ABHD16A: variants seen among roughly 807,000 people sequenced by gnomAD.
ABHD16A encodes the protein phosphatidylserine lipase ABHD16A.
ABHD16A carries 47 observed loss-of-function variants against 89.8 expected under a neutral mutation model. The observed-to-expected ratio is 0.52, with a 90% CI of 0.41 to 0.67. The LOEUF (loss-of-function observed/expected upper bound fraction) is 0.67, where lower values mean the gene tolerates loss of function less well. Among genes scored for constraint, ABHD16A ranks in the 30% least tolerant of loss-of-function variants. ABHD16A has a pLI of 0.00. For synonymous variants in ABHD16A, 251 were observed against 280.4 expected, an observed-to-expected ratio of 0.90 and a Z score of 1.05; for missense variants, 580 against 734.6, an observed-to-expected ratio of 0.79 and a Z score of 2.43.
Position 31,687,678 on chromosome 6 carries a change from G to T in ABHD16A, c.1510C>A (p.Gln504Lys). Residue 504 changes from glutamine to lysine, a missense_variant, in exon 18 of 20, where the codon CAG becomes AAG. Physicochemically the swap from Gln to Lys is moderately conservative, Grantham distance 53 (BLOSUM62 1). Transcript: ENST00000395952. The surrounding 1 kb of genome is among the most constrained non-coding windows in gnomAD (Gnocchi z 6.3). ...GGGAAGTCGGGCCCGTGTTCTGCCTGGTAGGAGCGGAGGACAGACAGACAC... is the reference window on the plus strand; with the variant it reads ...GGGAAGTCGGGCCCGTGTTCTGCCTTGTAGGAGCGGAGGACAGACAGACAC... Reference protein sequence around the residue: ...DWCLSVLRSYQAEHGPDFPWS... With the variant: ...DWCLSVLRSYKAEHGPDFPWS... 6.2e-7 allele frequency: 1 copy of T among 1,612,876 alleles called. No individual in the cohort carries two copies. The highest frequency in any genetic ancestry group is 1.3e-5 in the African/African-American group (1 of 75,008).
In ABHD16A at chr6:31,703,231, G is replaced by A. The variant is rs977603818; in HGVS notation, c.51C>T (p.Tyr17=). The A allele has an allele frequency of 2.1e-6, 3 of 1,437,328 alleles. No individual in the cohort carries two copies. Among genetic ancestry groups the A allele is most frequent in the Non-Finnish European group, 2.8e-6 (3 of 1,084,936 alleles). The allele number at this position is 1,437,328 out of a possible 1,614,324, so 89.0% of individuals were successfully genotyped here. ...GGGCCCTTTCAGAGTCCCTCTCCCGGTAGATTTTGTAGAGCCGGGGGCCTA... is the reference window on the plus strand; with the variant it reads ...GGGCCCTTTCAGAGTCCCTCTCCCGATAGATTTTGTAGAGCCGGGGGCCTA... ...CVLGPRLYKI[Y]RERDSERAPA... The change falls in exon 1 of 20, where the codon TAC becomes TAT. Residue 17 remains tyrosine (Y), a synonymous_variant. Coordinates refer to ENST00000395952, the MANE Select transcript of ABHD16A (RefSeq NM_021160.3).
At chr6:31,691,414 C>T in intron 9 of ABHD16A, 165 bp downstream of exon 9, 2 of 612,934 alleles carry the variant, frequency 3.3e-6, no homozygotes, top group Non-Finnish European at 5.7e-6. Context: ...ATCTGTTTCT[C>T]TATCACAGGG....
At position 31,693,444 on chromosome 6, in the gene ABHD16A, A is replaced by T; in HGVS notation, c.430-12T>A. The T allele has an allele frequency of 2.5e-6, 4 of 1,612,782 alleles. No individual in the cohort carries two copies. The highest frequency in any genetic ancestry group is 3.4e-6 in the Non-Finnish European group (4 of 1,179,922). Reference sequence around the variant, plus strand: ...TTGGCAAGCTGCCTCTGCAGTGGGCACGAGAGGCAAAGGGGTACTGAGAAC... The same window carrying T: ...TTGGCAAGCTGCCTCTGCAGTGGGCTCGAGAGGCAAAGGGGTACTGAGAAC... On this transcript the variant is annotated splice_polypyrimidine_tract_variant and intron_variant, in intron 5 of 19. Coordinates refer to ENST00000395952, the MANE Select transcript of ABHD16A (RefSeq NM_021160.3). This position sits in a 1 kb window ranked among gnomAD's most constrained non-coding sequence, Gnocchi z 5.0.
chr6:31,701,470 AC>A, intron 2 of ABHD16A, 130 bp from the exon 3 acceptor site: 2 of 738,310 alleles, frequency 2.7e-6, no homozygotes, highest in Non-Finnish European at 4.6e-6. Flanking sequence ...GGTGTATGAC[AC>A]CATGAATACA....
intron 7 of ABHD16A, 105 bp downstream of exon 7, chr6:31,692,922 A>T: frequency 6.8e-7 from 1 of 1,468,728 alleles, no homozygotes; most frequent in Non-Finnish European, 9.5e-7. Flanking sequence ...ATACAGCACT[A>T]GGCCCAATGA....
rs910892425 is a variant in ABHD16A at position 31,688,082 on chromosome 6, G to A, written c.1329C>T (p.Ser443=). Residue 443 remains serine, a synonymous_variant, in exon 16 of 20, where the codon TCC becomes TCT. Coordinates refer to ENST00000395952, the MANE Select transcript of ABHD16A (RefSeq NM_021160.3). The surrounding 1 kb of genome is among the most constrained non-coding windows in gnomAD (Gnocchi z 4.9). ...TCAGCAGGAGGTCATTGCCTCGGTTGGACATGATGTCCTCAGGAACCCTGG... is the reference window on the plus strand; with the variant it reads ...TCAGCAGGAGGTCATTGCCTCGGTTAGACATGATGTCCTCAGGAACCCTGG... ...ITTTVPEDIM[S]NRGNDLLLKL... is the part of the protein sequence containing the mutation. 1 of 1,613,070 alleles carries A rather than the reference G, an allele frequency of 6.2e-7. No individual in the cohort carries two copies. The highest frequency in any genetic ancestry group is 8.5e-7 in the Non-Finnish European group (1 of 1,179,432).
chr6:31,697,062 T>G (rs1379208034), intron 4 of ABHD16A, 29 bp from the exon 5 acceptor site: 2 of 1,590,960 alleles, frequency 1.3e-6, no homozygotes, highest in Admixed American at 1.7e-5. Context: ...GAAACAGTGC[T>G]AGGAAAACTG....
chr6:31,702,187 C>G, intron 1 of ABHD16A, 57 bp from the exon 2 acceptor site: 1 of 1,551,480 alleles, frequency 6.4e-7, no homozygotes, highest in Non-Finnish European at 8.9e-7. Context: ...CCTTTCCCTT[C>G]CCTTTCAGAA....
Position 31,687,798 on chromosome 6 carries a change from C to T in ABHD16A, c.1447+26G>A. ...AACCTGACCTTGCTGGGCCCCCGCC[C>T]CAAGCCTCACTGGATCCCTTCTCAC... On this transcript the variant is annotated intron_variant, in intron 17 of 19. Coordinates refer to ENST00000395952, the MANE Select transcript of ABHD16A (RefSeq NM_021160.3). This position sits in a 1 kb window ranked among gnomAD's most constrained non-coding sequence, Gnocchi z 6.3. 2 of 1,612,956 alleles carry T rather than the reference C, an allele frequency of 1.2e-6. No individual in the cohort carries two copies. Among genetic ancestry groups the T allele is most frequent in the Non-Finnish European group, 1.7e-6 (2 of 1,180,002 alleles).
intron 11 of ABHD16A, 28 bp from the exon 12 acceptor site, chr6:31,689,732 T>C: frequency 6.3e-7 from 1 of 1,595,276 alleles, no homozygotes; most frequent in Non-Finnish European, 8.5e-7. Context: ...AAGTCAGGAG[T>C]GTGTCAGCAC....
chr6:31,702,627 C>T (rs1805127892), intron 1 of ABHD16A: 1 of 1,507,682 alleles, frequency 6.6e-7, no homozygotes, highest in Non-Finnish European at 8.8e-7. Context: ...CCCGCCAGCT[C>T]TCCAGAATAC....
chr6:31,690,033 C>A lies in ABHD16A; in HGVS notation c.957+45G>T. On this transcript the variant is annotated intron_variant, in intron 11 of 19. Transcript: ENST00000395952. The surrounding 1 kb of genome is among the most constrained non-coding windows in gnomAD (Gnocchi z 4.1). ...CCTCCAATGGCTGACCAGAGGGAAA[C>A]AGACATAATTCAGGAAAAGGAAGGG... The A allele has an allele frequency of 6.5e-7, 1 of 1,539,778 alleles. No individual in the cohort carries two copies. The highest frequency in any genetic ancestry group is 8.8e-7 in the Non-Finnish European group (1 of 1,142,076).
intron 1 of ABHD16A, chr6:31,702,498 G>A: frequency 1.9e-6 from 2 of 1,037,428 alleles, no homozygotes; most frequent in Non-Finnish European, 2.7e-6. Context: ...AAAAGCATCA[G>A]AAATAAGAGT....
rs185764122 is a variant in ABHD16A at position 31,694,503 on chromosome 6, G to A, written c.430-1071C>T. Among the ~76,000 whole-genome samples the A allele has an allele frequency of 6.8e-4, 98 of 143,468 alleles. 1 individual carries two copies. Among genetic ancestry groups the A allele is most frequent in the Admixed American group, 4.9e-3 (66 of 13,524 alleles). The allele number at this position is 143,468 out of a possible 152,430, so 94.1% of individuals were successfully genotyped here. ...CCTCCCGGCTTCACGCCATTCTCCCGCCTCAGCCTCCAAGTAGCTGGGACT... is the reference window on the plus strand; with the variant it reads ...CCTCCCGGCTTCACGCCATTCTCCCACCTCAGCCTCCAAGTAGCTGGGACT... On this transcript the variant is annotated intron_variant, in intron 5 of 19. Transcript: ENST00000395952.
chr6:31,690,428 C>T lies in ABHD16A; in HGVS notation c.907+111G>A. ...TGGACTTTTCCCTAAAGCTGAGAGACTCAAAACCTCACCCAGAGAAAGCAG... is the reference window on the plus strand; with the variant it reads ...TGGACTTTTCCCTAAAGCTGAGAGATTCAAAACCTCACCCAGAGAAAGCAG... On this transcript the variant is annotated intron_variant, in intron 10 of 19. Coordinates refer to ENST00000395952, the MANE Select transcript of ABHD16A (RefSeq NM_021160.3). The surrounding 1 kb of genome is among the most constrained non-coding windows in gnomAD (Gnocchi z 4.1). The T allele has an allele frequency of 1.6e-6, 2 of 1,233,180 alleles. No homozygotes were observed. The highest frequency in any genetic ancestry group is 2.4e-6 in the Non-Finnish European group (2 of 842,626). The allele number at this position is 1,233,180 out of a possible 1,614,324, so 76.4% of individuals were successfully genotyped here.
rs550311902 is a variant in ABHD16A at position 31,694,745 on chromosome 6, A to C, written c.430-1313T>G. ...GTCCCCCACCCCCTGAGCTCCTAGC[A>C]CTCTATTTTGAGGGTTTTTATTTTC... On this transcript the variant is annotated intron_variant, in intron 5 of 19. Transcript: ENST00000395952. Among the ~76,000 whole-genome samples the C allele has an allele frequency of 5.3e-5, 8 of 151,938 alleles. No homozygotes were observed. In the South Asian group the frequency reaches 1.7e-3, roughly 32 times the overall value.
chr6:31,687,828 C>T lies in ABHD16A; in HGVS notation c.1443G>A (p.Glu481=), dbSNP rs1213991026. ...RQWLEASSQL[E]EASIYSRWEV... is the part of the protein sequence containing the mutation. The stretch of plus-strand genomic sequence containing the variant: ...CCTCACTGGATCCCTTCTCACCTTC[C>T]TCCAGCTGTGAGGAGGCCTCCAACC... The change falls in exon 17 of 20, where the codon GAG becomes GAA. Residue 481 remains glutamate (E), a synonymous_variant. Coordinates refer to ENST00000395952, the MANE Select transcript of ABHD16A (RefSeq NM_021160.3). This position sits in a 1 kb window ranked among gnomAD's most constrained non-coding sequence, Gnocchi z 6.3. 1 of 1,613,016 alleles carries T rather than the reference C, an allele frequency of 6.2e-7. No homozygotes were observed. Among genetic ancestry groups the T allele is most frequent in the Non-Finnish European group, 8.5e-7 (1 of 1,180,012 alleles).
intron 2 of ABHD16A, 73 bp downstream of exon 2, chr6:31,702,001 T>G: frequency 1.3e-6 from 2 of 1,566,862 alleles, no homozygotes; most frequent in Non-Finnish European, 1.8e-6. Flanking sequence ...TGCTCCCAAG[T>G]TAGGGAGGGC....
chr6:31,689,997 C>A, intron 11 of ABHD16A, 81 bp downstream of exon 11: 1 of 1,442,680 alleles, frequency 6.9e-7, no homozygotes, highest in East Asian at 2.4e-5. Flanking sequence ...AAATCCACAG[C>A]CCCTCTCCTC....
Sources: allele counts gnomAD v4.1 joint callset (sites outside exome capture counted in the v4.1 genomes callset), GRCh38; gene constraint gnomAD v4.1.1; non-coding constraint Gnocchi (gnomAD v3.1); transcripts MANE v1.5; gene names NCBI Gene and HGNC (gene_info 2026-07-23, HGNC 2026-07-21).